PLBD1: variants seen among roughly 807,000 people sequenced by gnomAD.
PLBD1 encodes the protein phospholipase B domain containing 1, also known as lysosomal leucine aminopeptidase.
Under a neutral mutation model 63.0 loss-of-function variants are expected in PLBD1, and 60 were observed. The observed-to-expected ratio is 0.95, with a 90% confidence interval of 0.77 to 1.18. The LOEUF (loss-of-function observed/expected upper bound fraction) is 1.18. Among genes scored for constraint, PLBD1 ranks in the 50% most tolerant of loss-of-function variants. The pLI is 0.00. For missense variants in PLBD1, 598 were observed against 677.9 expected (o/e 0.88, Z 1.31); for synonymous variants, 262 against 248.0 (o/e 1.06, Z -0.53).
intron 4 of PLBD1, among the ~76,000 whole-genome samples, chr12:14,540,129 T>TATATATATATATATATATAC (rs1418609619): frequency 7.3e-6 from 1 of 137,118 alleles, no homozygotes; most frequent in Non-Finnish European, 1.6e-5. Flanking sequence ...TATATATATA[T>TATATATATATATATATATAC]ATACTGGCAA....
intron 6 of PLBD1, among the ~76,000 whole-genome samples, chr12:14,532,413 C>T (rs749881624): frequency 3.3e-5 from 5 of 152,126 alleles, no homozygotes; most frequent in Admixed American, 6.5e-5. Context: ...TTCGCTTTAC[C>T]GTCCTCCCCT....
chr12:14,506,879 C>T, intron 9 of PLBD1, 54 bp downstream of exon 9: 2 of 1,505,010 alleles, frequency 1.3e-6, no homozygotes, highest in African/African-American at 1.4e-5. Flanking sequence ...ATTCTGTATC[C>T]ATAGGGAAGA....
rs369404434 is a variant in PLBD1 at position 14,539,253 on chromosome 12, T to G, written c.558+1511A>C. On this transcript the variant is annotated intron_variant, in intron 4 of 10. Coordinates refer to ENST00000240617, the MANE Select transcript of PLBD1 (RefSeq NM_024829.6). ...TGTATACATACCATTTAAGGAAAAA[T>G]AAATAAACACTGATGTAGTCAACTC... is the stretch of plus-strand genomic sequence containing the variant. Among the ~76,000 whole-genome samples the G allele has an allele frequency of 1.2e-4, 18 of 151,916 alleles. No individual in the cohort carries two copies. The East Asian group carries it at 2.3e-3, about 20-fold the overall frequency.
chr12:14,503,832 T>TG lies in PLBD1; in HGVS notation c.1601dup (p.Glu535ArgfsTer6). On this transcript the variant is annotated frameshift_variant, in exon 11 of 11. Coordinates refer to ENST00000240617, the MANE Select transcript of PLBD1 (RefSeq NM_024829.6). LOFTEE classifies it high-confidence loss of function. ...TAATAAAATCAAAGTTGTAGACCTC[T>TG]GGCATGCCCTGATGTAGAGTTTTGT... 5 of 1,614,032 alleles carry TG rather than the reference T, an allele frequency of 3.1e-6. No homozygotes were observed. The highest frequency in any genetic ancestry group is 1.7e-4 in the Middle Eastern group (1 of 6,060).
At chr12:14,527,840 C>T (rs746296609) in intron 6 of PLBD1, among the ~76,000 whole-genome samples, 6 of 145,818 alleles carry the variant, frequency 4.1e-5, no homozygotes, top group Non-Finnish European at 6.0e-5. Context: ...AGTAAACAGA[C>T]AGGAAAAGTA....
intron 4 of PLBD1, 42 bp downstream of exon 4, chr12:14,540,722 A>G (rs951084578): frequency 3.3e-6 from 5 of 1,513,842 alleles, no homozygotes; most frequent in Non-Finnish European, 4.5e-6. Flanking sequence ...CAATATTCTT[A>G]CCATACTCTA....
chr12:14,523,046 T>A (rs1349305214), intron 6 of PLBD1, among the ~76,000 whole-genome samples: 2 of 151,956 alleles, frequency 1.3e-5, no homozygotes, highest in African/African-American at 2.4e-5. Context: ...GCATCCAAAT[T>A]GAAAAGGCAG....
At chr12:14,537,217 G>A (rs1395823960) in intron 4 of PLBD1, among the ~76,000 whole-genome samples, 1 of 151,998 alleles carries the variant, frequency 6.6e-6, no homozygotes, top group African/African-American at 2.4e-5. Flanking sequence ...GTTTTGGCAT[G>A]TTTTGATAGC....
At chr12:14,543,156 CCT>C (rs772689198) in intron 2 of PLBD1, among the ~76,000 whole-genome samples, 59 of 151,644 alleles carry the variant, frequency 3.9e-4, no homozygotes, top group Non-Finnish European at 7.2e-4. Flanking sequence ...TTATTTGTCC[CCT>C]CTTTCATGTT....
chr12:14,536,840 G>T, intron 4 of PLBD1, 130 bp from the exon 5 acceptor site: 1 of 1,266,430 alleles, frequency 7.9e-7, no homozygotes, highest in Non-Finnish European at 1.1e-6. Flanking sequence ...TGTAATCCCA[G>T]CACTTTGGGA....
intron 6 of PLBD1, among the ~76,000 whole-genome samples, chr12:14,521,955 A>C (rs1006992183): frequency 2.0e-5 from 3 of 152,118 alleles, no homozygotes; most frequent in African/African-American, 7.2e-5. Context: ...ATATCATTAA[A>C]AAAAAACTCT....
chr12:14,511,736 TCA>T, intron 6 of PLBD1, 25 bp from the exon 7 acceptor site: 1 of 1,588,390 alleles, frequency 6.3e-7, no homozygotes, highest in Non-Finnish European at 8.6e-7. Context: ...AATATACACA[TCA>T]GCATATGTAT....
chr12:14,562,476 A>AAAAAGACTG (rs1945748736), intron 1 of PLBD1, among the ~76,000 whole-genome samples: 1 of 150,604 alleles, frequency 6.6e-6, no homozygotes, highest in Non-Finnish European at 1.5e-5. Flanking sequence ...AAAAAAAAAA[A>AAAAAGACTG]AAAGACTGTA....
At position 14,535,807 on chromosome 12, in the gene PLBD1, C is replaced by A. The variant is rs1945508587; in HGVS notation, c.700-4G>T. ...TGTTCTCAAATCCAGGAAGAACCTA[C>A]AGCCAGAATCATAGTGGATTACACA... is the stretch of plus-strand genomic sequence containing the variant. On this transcript the variant is annotated splice_region_variant and splice_polypyrimidine_tract_variant and intron_variant, in intron 5 of 10. Coordinates refer to ENST00000240617, the MANE Select transcript of PLBD1 (RefSeq NM_024829.6). 4 of 1,613,042 alleles carry A rather than the reference C, an allele frequency of 2.5e-6. No homozygotes were observed. In the South Asian group the frequency reaches 3.3e-5, roughly 13 times the overall value.
At chr12:14,550,228 G>T (rs1321601715) in intron 2 of PLBD1, among the ~76,000 whole-genome samples, 1 of 152,190 alleles carries the variant, frequency 6.6e-6, no homozygotes, top group African/African-American at 2.4e-5. Flanking sequence ...CTCCGCAGTA[G>T]AGTTGCTAGC....
At chr12:14,538,343 G>A (rs543457553) in intron 4 of PLBD1, among the ~76,000 whole-genome samples, 102 of 5,064 alleles carry the variant, frequency 0.02, 1 homozygote, top group Middle Eastern at 0.5. Context: ...ACAGGTGCCC[G>A]CCCCATGTCC....
At chr12:14,535,073 A>C (rs1945501911) in intron 6 of PLBD1, among the ~76,000 whole-genome samples, 1 of 152,226 alleles carries the variant, frequency 6.6e-6, no homozygotes. Context: ...ACCTCCTTGG[A>C]ATGGACAACA....
intron 1 of PLBD1, among the ~76,000 whole-genome samples, chr12:14,557,079 T>C (rs2136933417): frequency 6.9e-6 from 1 of 144,788 alleles, no homozygotes; most frequent in Non-Finnish European, 1.5e-5. Flanking sequence ...AAGCTCAACA[T>C]CACTGATAAT....
chr12:14,512,354 G>C (rs1945305173), intron 6 of PLBD1, among the ~76,000 whole-genome samples: 1 of 151,876 alleles, frequency 6.6e-6, no homozygotes, highest in South Asian at 2.1e-4. Flanking sequence ...TCACCGTGTT[G>C]GCCAGGCTGG....
Sources: gnomAD v4.1 joint callset for allele counts (sites outside exome capture counted in the v4.1 genomes callset) on GRCh38, gnomAD v4.1.1 for gene constraint, MANE v1.5 for transcripts, NCBI Gene and HGNC (gene_info 2026-07-23, HGNC 2026-07-21) for gene names.